C12orf50: variants seen among roughly 807,000 people sequenced by gnomAD.
C12orf50 encodes uncharacterized protein C12orf50.
C12orf50 carries 35 observed loss-of-function variants against 61.6 expected under a neutral mutation model. The observed-to-expected ratio is 0.57, with a 90% CI of 0.43 to 0.75. The LOEUF is 0.75. Ranked by LOEUF, C12orf50 falls within the 30% of genes least tolerant of loss-of-function variation. The pLI, the probability that C12orf50 is intolerant of heterozygous loss-of-function variation, is 0.00. For synonymous variants in C12orf50, 178 were observed against 161.5 expected, an observed-to-expected ratio of 1.10 and a Z score of -0.77; for missense variants, 475 against 488.5, an observed-to-expected ratio of 0.97 and a Z score of 0.26.
intron 3 of C12orf50, among the ~76,000 whole-genome samples, chr12:88,019,615 C>A (rs2032439942): frequency 6.7e-6 from 1 of 150,298 alleles, no homozygotes; most frequent in Non-Finnish European, 1.5e-5. Context: ...ATGAGACTAC[C>A]AAGAAAGTAA....
intron 3 of C12orf50, among the ~76,000 whole-genome samples, chr12:88,012,231 G>A (rs1362041020): frequency 6.6e-6 from 1 of 152,102 alleles, no homozygotes; most frequent in Admixed American, 6.6e-5. Flanking sequence ...TTTCATACAT[G>A]AACATCTACT....
intron 3 of C12orf50, among the ~76,000 whole-genome samples, chr12:88,021,421 T>G (rs1431684499): frequency 6.6e-6 from 1 of 152,082 alleles, no homozygotes; most frequent in African/African-American, 2.4e-5. Flanking sequence ...GCAGATCACT[T>G]GAGGCCAGGA....
intron 1 of C12orf50, chr12:88,029,064 T>C: frequency 7.8e-7 from 1 of 1,279,882 alleles, no homozygotes; most frequent in African/African-American, 1.5e-5. Flanking sequence ...GTACAATATT[T>C]ACCTTTATGC....
chr12:88,021,706 A>G (rs1325101617), intron 3 of C12orf50, among the ~76,000 whole-genome samples: 2 of 152,154 alleles, frequency 1.3e-5, no homozygotes, highest in African/African-American at 4.8e-5. Context: ...AGACACTACT[A>G]TAAACACCTC....
chr12:88,006,456 C>T (rs972671172), intron 3 of C12orf50, among the ~76,000 whole-genome samples: 3 of 152,198 alleles, frequency 2.0e-5, no homozygotes, highest in Non-Finnish European at 4.4e-5. Context: ...TGCACAAAAT[C>T]TCAGTGCTAA....
At chr12:88,008,481 T>G (rs924898408) in intron 3 of C12orf50, among the ~76,000 whole-genome samples, 3 of 152,184 alleles carry the variant, frequency 2.0e-5, no homozygotes, top group East Asian at 1.9e-4. Flanking sequence ...TTGTTGGGCA[T>G]GTAGCTTGAT....
At chr12:88,015,359 A>G (rs1246640723) in intron 3 of C12orf50, among the ~76,000 whole-genome samples, 3 of 152,270 alleles carry the variant, frequency 2.0e-5, no homozygotes, top group African/African-American at 7.2e-5. Flanking sequence ...GAGGCTAGAC[A>G]TTCTAAAGAA....
At chr12:88,017,396 C>T (rs1469692186) in intron 3 of C12orf50, among the ~76,000 whole-genome samples, 1 of 152,204 alleles carries the variant, frequency 6.6e-6, no homozygotes, top group Non-Finnish European at 1.5e-5. Flanking sequence ...GAGGCCTCCC[C>T]AGCCATGTGG....
intron 10 of C12orf50, 79 bp downstream of exon 10, chr12:87,986,233 T>G (rs2030813741): frequency 1.6e-6 from 2 of 1,277,042 alleles, no homozygotes; most frequent in African/African-American, 3.1e-5. Flanking sequence ...CAGTAATTTG[T>G]TTTTCAGGTA....
At chr12:88,009,652 G>T (rs2032022858) in intron 3 of C12orf50, among the ~76,000 whole-genome samples, 1 of 151,932 alleles carries the variant, frequency 6.6e-6, no homozygotes, top group Admixed American at 6.6e-5. Context: ...CAACAACAAA[G>T]AACTATCCAG....
At chr12:87,985,741 G>A (rs1469985646) in intron 11 of C12orf50, 109 bp downstream of exon 11, 3 of 1,048,660 alleles carry the variant, frequency 2.9e-6, no homozygotes, top group Non-Finnish European at 4.4e-6. Flanking sequence ...TGATGGCCAG[G>A]GTAAAGAAGA....
intron 3 of C12orf50, among the ~76,000 whole-genome samples, chr12:88,025,566 T>C (rs1293703678): frequency 4.6e-5 from 7 of 152,128 alleles, no homozygotes; most frequent in Admixed American, 6.5e-5. Context: ...AGCATGGTTG[T>C]ATATTTTTCT....
rs1244130703 is a variant in C12orf50, at chr12:87,996,457, T to G, written c.398A>C (p.Asp133Ala). 1.2e-6 allele frequency: 2 copies of G among 1,613,004 alleles called. No individual in the cohort carries two copies. The highest frequency in any genetic ancestry group is 1.7e-6 in the Non-Finnish European group (2 of 1,179,300). ...TGTCATGCTTTTTGATGACAAAATA[T>G]CTGGAGGAGTATGAAATCTGTAGTA... ...GEYYRFHTPP[D>A]ILSSKSMTPT... The change falls in exon 6 of 13, where the codon GAT becomes GCT. Residue 133 changes from aspartate to alanine, a missense_variant. Physicochemically the swap from Asp to Ala is moderately radical, Grantham distance 126. Transcript: ENST00000298699.
intron 12 of C12orf50, among the ~76,000 whole-genome samples, chr12:87,982,140 T>C (rs1314719723): frequency 6.6e-6 from 1 of 152,112 alleles, no homozygotes; most frequent in African/African-American, 2.4e-5. Flanking sequence ...AGGAGGATCA[T>C]AGGAGAAAAG....
At chr12:88,028,635 T>A (rs960708640) in intron 1 of C12orf50, among the ~76,000 whole-genome samples, 3 of 152,130 alleles carry the variant, frequency 2.0e-5, no homozygotes, top group Non-Finnish European at 4.4e-5. Flanking sequence ...AAATTTCAAA[T>A]AGGAAAACAG....
chr12:88,002,514 C>T (rs1022065861), intron 3 of C12orf50, among the ~76,000 whole-genome samples: 12 of 151,498 alleles, frequency 7.9e-5, no homozygotes, highest in Middle Eastern at 3.2e-3. Context: ...TACAGTTGTT[C>T]GAGTCTTTTA....
intron 3 of C12orf50, among the ~76,000 whole-genome samples, chr12:88,005,774 T>C (rs1020651663): frequency 4.0e-5 from 6 of 150,384 alleles, no homozygotes; most frequent in Admixed American, 3.3e-4. Flanking sequence ...CCAGGCGAAA[T>C]TGCCTGCCCA....
chr12:87,986,549 T>G (rs1421333030), intron 9 of C12orf50, 133 bp from the exon 10 acceptor site: 1 of 507,608 alleles, frequency 2.0e-6, no homozygotes, highest in African/African-American at 2.0e-5. Flanking sequence ...TCCTAACACT[T>G]TACTTTTTAG....
At chr12:88,008,509 T>G (rs184114501) in intron 3 of C12orf50, among the ~76,000 whole-genome samples, 1 of 152,260 alleles carries the variant, frequency 6.6e-6, no homozygotes, top group Non-Finnish European at 1.5e-5. Context: ...TCTTTGCTAT[T>G]GTGAATAGTC....
Sources: allele counts gnomAD v4.1 joint callset (sites outside exome capture counted in the v4.1 genomes callset), GRCh38; gene constraint gnomAD v4.1.1; transcripts MANE v1.5; gene names NCBI Gene and HGNC (gene_info 2026-07-23, HGNC 2026-07-21).